NEDD4: variants seen among roughly 807,000 people sequenced by gnomAD.
The protein encoded by NEDD4 is E3 ubiquitin-protein ligase NEDD4.
A neutral mutation model predicts 144.9 loss-of-function variants in NEDD4; 99 were observed. The ratio of observed to expected loss-of-function variants is 0.68; its 90% CI spans 0.58 to 0.81. The LOEUF is 0.81. NEDD4 is among the 30% of genes least tolerant of loss of function. NEDD4 has a pLI of 0.00. For missense variants in NEDD4, 985 were observed against 1,065.9 expected (o/e 0.92, Z 1.06); for synonymous variants, 318 against 350.6 (o/e 0.91, Z 1.04).
rs56285555 is a variant in NEDD4 at position 55,974,891 on chromosome 15, C to CTTTTTTTTTTTTT, written c.46-8358_46-8346dup. On this transcript the variant is annotated intron_variant, in intron 1 of 28. Transcript: ENST00000435532. ...TAAGGATGTCCATTTCTTTTCCTTT[C>CTTTTTTTTTTTTT]TTTTTTTTTTTTTTTTTTTTTGAGA... Among the ~76,000 whole-genome samples the CTTTTTTTTTTTTT allele has an allele frequency of 1.5e-3, 110 of 75,696 alleles. 16 individuals are homozygous for CTTTTTTTTTTTTT. The highest frequency in any genetic ancestry group is 1.9e-3 in the Non-Finnish European group (77 of 40,742). The allele number at this position is 75,696 out of a possible 152,430, so 49.7% of individuals were successfully genotyped here. A position where few individuals can be genotyped will look rare whatever the true frequency, so the allele number is the denominator to read the frequency against.
intron 4 of NEDD4, among the ~76,000 whole-genome samples, chr15:55,943,738 C>T (rs2037052738): frequency 6.6e-6 from 1 of 152,234 alleles, no homozygotes; most frequent in South Asian, 2.1e-4. Context: ...AGTCCCCACA[C>T]AGGGTTCCCA....
intron 4 of NEDD4, among the ~76,000 whole-genome samples, chr15:55,950,142 A>G (rs964740295): frequency 2.0e-5 from 3 of 152,236 alleles, no homozygotes; most frequent in African/African-American, 7.2e-5. Flanking sequence ...GTTAAATAGT[A>G]AAAACAGAAA....
intron 5 of NEDD4, among the ~76,000 whole-genome samples, chr15:55,877,126 G>T (rs1381345017): frequency 6.6e-6 from 1 of 152,100 alleles, no homozygotes; most frequent in Non-Finnish European, 1.5e-5. Flanking sequence ...ATATTATGAT[G>T]ATCAAAACCA....
chr15:55,844,507 A>G (rs529559176), intron 18 of NEDD4, among the ~76,000 whole-genome samples: 30 of 152,282 alleles, frequency 2.0e-4, no homozygotes, highest in African/African-American at 7.0e-4. Flanking sequence ...ACTGAGTAGT[A>G]GACAAGTGCA....
intron 4 of NEDD4, among the ~76,000 whole-genome samples, chr15:55,932,912 A>G (rs928247598): frequency 1.3e-5 from 2 of 152,262 alleles, no homozygotes; most frequent in Non-Finnish European, 2.9e-5. Flanking sequence ...CAAAAGACAC[A>G]TGAAAAAATG....
At chr15:55,859,076 A>G (rs1480291070) in intron 11 of NEDD4, among the ~76,000 whole-genome samples, 3 of 152,246 alleles carry the variant, frequency 2.0e-5, no homozygotes, top group Non-Finnish European at 2.9e-5. Context: ...TAACTAGCAT[A>G]TAGTACTCTG....
At chr15:55,892,072 C>G (rs1324136113) in intron 5 of NEDD4, among the ~76,000 whole-genome samples, 1 of 151,880 alleles carries the variant, frequency 6.6e-6, no homozygotes, top group Non-Finnish European at 1.5e-5. Flanking sequence ...TTGAGACCAG[C>G]CTGGTCAAAA....
intron 5 of NEDD4, among the ~76,000 whole-genome samples, chr15:55,920,017 T>A (rs1376774314): frequency 6.6e-6 from 1 of 152,150 alleles, no homozygotes; most frequent in Admixed American, 6.5e-5. Flanking sequence ...CTCCACAATG[T>A]GTGTGGGTCT....
At position 55,860,399 on chromosome 15, in the gene NEDD4, C is replaced by T. The variant is rs200979318; in HGVS notation, c.960+8G>A. 2.6e-4 allele frequency: 427 copies of T among 1,613,064 alleles called. No homozygotes were observed. The highest frequency in any genetic ancestry group is 3.3e-4 in the Non-Finnish European group (393 of 1,179,528). ...CTGAAGCCGTAACAAAATCTAAGAG[C>T]ATCTTACTGAGCTCGATGCTGGCTG... On this transcript the variant is annotated splice_region_variant and intron_variant, in intron 11 of 28. Coordinates refer to ENST00000435532, the MANE Select transcript of NEDD4 (RefSeq NM_006154.4).
chr15:55,848,470 C>G, intron 16 of NEDD4, 40 bp from the exon 17 acceptor site: 2 of 1,612,746 alleles, frequency 1.2e-6, no homozygotes, highest in Non-Finnish European at 1.7e-6. Context: ...CTTTCTCACA[C>G]ATAAAATTTA....
chr15:55,866,922 C>G (rs2034605409), intron 8 of NEDD4, among the ~76,000 whole-genome samples: 2 of 152,214 alleles, frequency 1.3e-5, no homozygotes, highest in Middle Eastern at 3.4e-3. Context: ...ATCAATGAAC[C>G]TTATTTAATT....
rs56285555 is a variant in NEDD4, at chr15:55,974,891, C to CTTTTTTTTTTTTTTTTTTTTTTTT, written c.46-8346_46-8345insAAAAAAAAAAAAAAAAAAAAAAAA. On this transcript the variant is annotated intron_variant, in intron 1 of 28. Transcript: ENST00000435532. ...TAAGGATGTCCATTTCTTTTCCTTTCTTTTTTTTTTTTTTTTTTTTTGAGA... is the reference window on the plus strand; with the variant it reads ...TAAGGATGTCCATTTCTTTTCCTTTCTTTTTTTTTTTTTTTTTTTTTTTTTTTTTTTTTTTTTTTTTTTTTGAGA... Among the ~76,000 whole-genome samples, 93 of 75,696 alleles carry CTTTTTTTTTTTTTTTTTTTTTTTT rather than the reference C, an allele frequency of 1.2e-3. 11 individuals carry two copies. The highest frequency in any genetic ancestry group is 2.9e-3 in the East Asian group (7 of 2,406). The allele number at this position is 75,696 out of a possible 152,430, so 49.7% of individuals were successfully genotyped here.
intron 4 of NEDD4, among the ~76,000 whole-genome samples, chr15:55,925,276 C>A (rs1244353194): frequency 2.0e-5 from 3 of 152,090 alleles, no homozygotes; most frequent in Non-Finnish European, 4.4e-5. Context: ...AAGAAAATTT[C>A]AAAAGATTAC....
At chr15:55,965,787 C>T (rs183206873) in intron 2 of NEDD4, among the ~76,000 whole-genome samples, 18 of 152,038 alleles carry the variant, frequency 1.2e-4, no homozygotes, top group East Asian at 5.8e-4. Flanking sequence ...CTGCAACCTC[C>T]GCCTCCTGGG....
At chr15:55,883,285 G>A (rs911098195) in intron 5 of NEDD4, among the ~76,000 whole-genome samples, 3 of 152,174 alleles carry the variant, frequency 2.0e-5, no homozygotes, top group African/African-American at 7.2e-5. Flanking sequence ...GAGTGGCCAC[G>A]GAGAGACTCT....
At chr15:55,922,476 A>C (rs2036586854) in intron 5 of NEDD4, among the ~76,000 whole-genome samples, 1 of 152,016 alleles carries the variant, frequency 6.6e-6, no homozygotes, top group African/African-American at 2.4e-5. Flanking sequence ...AAGTCTCCCA[A>C]CTCAGCCTCC....
At chr15:55,848,478 T>G in intron 16 of NEDD4, 43 bp downstream of exon 16, 1 of 1,612,842 alleles carries the variant, frequency 6.2e-7, no homozygotes, top group Non-Finnish European at 8.5e-7. Flanking sequence ...CACATAAAAT[T>G]TATTACAAAA....
chr15:55,932,030 G>C (rs966840058), intron 4 of NEDD4, among the ~76,000 whole-genome samples: 4 of 152,124 alleles, frequency 2.6e-5, no homozygotes, highest in African/African-American at 9.7e-5. Flanking sequence ...ATTGGCTTCT[G>C]ATATGGTTTG....
rs372959320 is a variant in NEDD4, at chr15:55,848,500, G to A, written c.1483+21C>T. The A allele has an allele frequency of 1.2e-5, 19 of 1,612,934 alleles. No homozygotes were observed. In the African/African-American group the frequency reaches 2.3e-4, roughly 19 times the overall value. ...AATTTATTACAAAAAATAACATAAT[G>A]AAAAATCGCACTGCACATACTGTGA... On this transcript the variant is annotated intron_variant, in intron 16 of 28. Coordinates refer to ENST00000435532, the MANE Select transcript of NEDD4 (RefSeq NM_006154.4).
Sources: allele counts gnomAD v4.1 joint callset (sites outside exome capture counted in the v4.1 genomes callset), GRCh38; gene constraint gnomAD v4.1.1; transcripts MANE v1.5; gene names NCBI Gene and HGNC (gene_info 2026-07-23, HGNC 2026-07-21).